Variants in DLG2 observed in about 807,000 individuals in gnomAD.
DLG2 encodes the protein disks large homolog 2.
Under a neutral mutation model 132.5 loss-of-function variants are expected in DLG2, and 45 were observed. The observed-to-expected ratio is 0.34, with a 90% confidence interval of 0.27 to 0.44. DLG2 has a LOEUF of 0.44. DLG2 is among the 20% of genes least tolerant of loss of function. DLG2 has a pLI of 1.00. For missense variants in DLG2, 1,045 were observed against 1,196.9 expected (o/e 0.87, Z 1.87); for synonymous variants, 424 against 419.6 (o/e 1.01, Z -0.13).
intron 6 of DLG2, among the ~76,000 whole-genome samples, chr11:84,612,581 G>C (rs1171303227): frequency 6.6e-6 from 1 of 152,038 alleles, no homozygotes; most frequent in Non-Finnish European, 1.5e-5. Context: ...ATGAAAATAA[G>C]AAAATACATT....
chr11:83,687,415 G>A (rs975934550), intron 18 of DLG2, among the ~76,000 whole-genome samples: 2 of 152,116 alleles, frequency 1.3e-5, no homozygotes, highest in South Asian at 2.1e-4. Context: ...GCACAGTGGC[G>A]GTGGTTCTTA....
rs7940699 is a variant in DLG2 at position 83,480,127 on chromosome 11, C to T, written c.2293+4002G>A. 9.4e-3 allele frequency among the ~76,000 whole-genome samples: 1,430 copies of T among 152,168 alleles called. 15 individuals are homozygous for T. Among genetic ancestry groups the T allele is most frequent in the African/African-American group, 0.032 (1,318 of 41,526 alleles). On this transcript the variant is annotated intron_variant, in intron 22 of 27. Transcript: ENST00000376104. ...GAGAATTGAATCACTGAGTCACAAC[C>T]AACTGAGGTTGGAATTGTTTATTAG...
At chr11:84,958,290 C>T (rs1199272580) in intron 6 of DLG2, among the ~76,000 whole-genome samples, 1 of 152,108 alleles carries the variant, frequency 6.6e-6, no homozygotes, top group Admixed American at 6.6e-5. Flanking sequence ...GGACCAAATT[C>T]TACGGAGAAA....
intron 19 of DLG2, among the ~76,000 whole-genome samples, chr11:83,592,081 A>T (rs2097197824): frequency 6.6e-6 from 1 of 150,392 alleles, no homozygotes; most frequent in East Asian, 2.0e-4. Flanking sequence ...GGTAATTTAC[A>T]GATTCAATGC....
At chr11:84,434,297 T>G (rs1206021151) in intron 7 of DLG2, among the ~76,000 whole-genome samples, 1 of 152,160 alleles carries the variant, frequency 6.6e-6, no homozygotes, top group Non-Finnish European at 1.5e-5. Flanking sequence ...TAACTTTGAT[T>G]CTGTAAACAT....
intron 6 of DLG2, among the ~76,000 whole-genome samples, chr11:84,755,396 A>G (rs2066725215): frequency 6.7e-6 from 1 of 150,302 alleles, no homozygotes; most frequent in Non-Finnish European, 1.5e-5. Flanking sequence ...ACTTCATCTC[A>G]TAGTCAAGGA....
intron 8 of DLG2, among the ~76,000 whole-genome samples, chr11:84,213,896 A>G (rs1294362666): frequency 6.6e-6 from 1 of 151,270 alleles, no homozygotes; most frequent in Admixed American, 6.6e-5. Flanking sequence ...AGTCTGAGAA[A>G]CACTGTGGTT....
At chr11:84,143,808 A>G (rs2094956611) in intron 9 of DLG2, among the ~76,000 whole-genome samples, 1 of 152,106 alleles carries the variant, frequency 6.6e-6, no homozygotes, top group Non-Finnish European at 1.5e-5. Flanking sequence ...GGAAGCAGGG[A>G]GAAGCAGGGT....
chr11:84,719,610 A>T (rs2061577459), intron 6 of DLG2, among the ~76,000 whole-genome samples: 1 of 152,222 alleles, frequency 6.6e-6, no homozygotes, highest in Non-Finnish European at 1.5e-5. Context: ...GCAATGAATG[A>T]TAACCTGTTT....
chr11:84,106,031 C>T (rs1318103759), intron 9 of DLG2, among the ~76,000 whole-genome samples: 1 of 152,032 alleles, frequency 6.6e-6, no homozygotes, highest in Non-Finnish European at 1.5e-5. Flanking sequence ...TACTAGGCTA[C>T]CACTTGAACA....
At chr11:85,093,858 C>T (rs913877730) in intron 6 of DLG2, among the ~76,000 whole-genome samples, 2 of 152,146 alleles carry the variant, frequency 1.3e-5, no homozygotes, top group Non-Finnish European at 2.9e-5. Context: ...TCCATTAATC[C>T]AGCCAATTGA....
At chr11:84,356,457 A>G (rs1024168797) in intron 7 of DLG2, among the ~76,000 whole-genome samples, 22 of 152,102 alleles carry the variant, frequency 1.4e-4, no homozygotes, top group African/African-American at 5.3e-4. Flanking sequence ...AGAGCATGGC[A>G]TTTGGAAACA....
At chr11:84,470,465 G>A (rs1331346173) in intron 7 of DLG2, among the ~76,000 whole-genome samples, 1 of 151,696 alleles carries the variant, frequency 6.6e-6, no homozygotes, top group African/African-American at 2.4e-5. Context: ...GGGAAGAATG[G>A]CATGTCAACT....
chr11:84,512,612 G>C (rs1183848560), intron 7 of DLG2, among the ~76,000 whole-genome samples: 1 of 152,050 alleles, frequency 6.6e-6, no homozygotes, highest in South Asian at 2.1e-4. Context: ...ACAGGATCCT[G>C]AAAGCAAAAG....
Position 83,953,424 on chromosome 11 carries a change from C to T in DLG2, c.1340+9461G>A, listed in dbSNP as rs530202008. Reference sequence around the variant, plus strand: ...AACTGCACATGCGAAGGATCTAGGTCGCATGCTCTTTATGAGAATTGAATG... The same window carrying T: ...AACTGCACATGCGAAGGATCTAGGTTGCATGCTCTTTATGAGAATTGAATG... On this transcript the variant is annotated intron_variant, in intron 14 of 27. Transcript: ENST00000376104. Among the ~76,000 whole-genome samples the T allele has an allele frequency of 3.9e-5, 6 of 152,222 alleles. No homozygotes were observed. In the East Asian group the frequency reaches 5.8e-4, roughly 15 times the overall value.
chr11:83,659,909 T>C (rs2073801541), intron 18 of DLG2, among the ~76,000 whole-genome samples: 2 of 152,254 alleles, frequency 1.3e-5, no homozygotes, highest in Non-Finnish European at 2.9e-5. Context: ...TCTTTTCATT[T>C]TGTGGCCCTC....
intron 11 of DLG2, among the ~76,000 whole-genome samples, chr11:84,027,934 G>A (rs1189778663): frequency 6.6e-6 from 1 of 151,846 alleles, no homozygotes; most frequent in Non-Finnish European, 1.5e-5. Context: ...AGAATGTACA[G>A]AAGGACAATT....
chr11:85,411,126 G>A (rs2089271357), intron 3 of DLG2, among the ~76,000 whole-genome samples: 1 of 151,730 alleles, frequency 6.6e-6, no homozygotes, highest in Non-Finnish European at 1.5e-5. Flanking sequence ...AAAAGCAGAA[G>A]TATAAAGAGA....
intron 11 of DLG2, among the ~76,000 whole-genome samples, chr11:84,047,564 C>T (rs1342970447): frequency 6.6e-6 from 1 of 151,534 alleles, no homozygotes. Context: ...CAGCTTTTCA[C>T]AGGGCTTGTT....
Sources: gnomAD v4.1 joint callset for allele counts (sites outside exome capture counted in the v4.1 genomes callset) on GRCh38, gnomAD v4.1.1 for gene constraint, MANE v1.5 for transcripts, NCBI Gene and HGNC (gene_info 2026-07-23, HGNC 2026-07-21) for gene names.